The following TMEM117 variants were observed in gnomAD, a reference collection of about 807,000 sequenced individuals.
The protein encoded by TMEM117 is transmembrane protein 117.
Under a neutral mutation model 52.4 loss-of-function variants are expected in TMEM117, and 27 were observed. The observed-to-expected ratio is 0.51, with a 90% CI of 0.38 to 0.71. The LOEUF (loss-of-function observed/expected upper bound fraction) is 0.71. Ranked by LOEUF, TMEM117 falls within the 30% of genes least tolerant of loss-of-function variation. The pLI is 0.00. For synonymous variants in TMEM117, 215 were observed against 206.3 expected (o/e 1.04, Z -0.36); for missense variants, 556 against 630.5 (o/e 0.88, Z 1.26).
chr12:44,152,460 A>G (rs1472489847), intron 4 of TMEM117, among the ~76,000 whole-genome samples: 2 of 114,442 alleles, frequency 1.7e-5, no homozygotes, highest in Non-Finnish European at 3.2e-5. Flanking sequence ...AAAAATTTTT[A>G]TATCTATAAT....
At chr12:43,904,669 G>A (rs1944355977) in intron 2 of TMEM117, among the ~76,000 whole-genome samples, 2 of 152,138 alleles carry the variant, frequency 1.3e-5, no homozygotes, top group Admixed American at 6.5e-5. Flanking sequence ...CCGGGTTGGT[G>A]CCTGGCTTCC....
At chr12:43,898,981 G>T (rs776394243) in intron 2 of TMEM117, among the ~76,000 whole-genome samples, 12 of 152,192 alleles carry the variant, frequency 7.9e-5, no homozygotes, top group Non-Finnish European at 1.2e-4. Context: ...CTGTCCGTCA[G>T]TGGATTTCTG....
At chr12:44,125,913 A>G (rs1948316920) in intron 3 of TMEM117, among the ~76,000 whole-genome samples, 1 of 152,094 alleles carries the variant, frequency 6.6e-6, no homozygotes, top group Non-Finnish European at 1.5e-5. Context: ...TCCTAATTGT[A>G]GCTTTGTTCT....
intron 3 of TMEM117, among the ~76,000 whole-genome samples, chr12:44,102,446 C>A (rs1947878014): frequency 6.6e-6 from 1 of 151,794 alleles, no homozygotes; most frequent in African/African-American, 2.4e-5. Flanking sequence ...GTCATTCTTT[C>A]ATTCTCTGTC....
chr12:44,260,351 C>T (rs1375381505), intron 5 of TMEM117, among the ~76,000 whole-genome samples: 1 of 152,108 alleles, frequency 6.6e-6, no homozygotes, highest in Non-Finnish European at 1.5e-5. Context: ...CATATGCTGC[C>T]TCGGCCATCA....
chr12:44,301,109 T>A (rs1950833896), intron 6 of TMEM117, among the ~76,000 whole-genome samples: 1 of 152,350 alleles, frequency 6.6e-6, no homozygotes, highest in Middle Eastern at 3.4e-3. Context: ...CCCAGTAGAC[T>A]GTTGTCTAAT....
At chr12:44,034,298 C>A (rs1946678327) in intron 3 of TMEM117, among the ~76,000 whole-genome samples, 1 of 152,114 alleles carries the variant, frequency 6.6e-6, no homozygotes, top group African/African-American at 2.4e-5. Context: ...AGAGGCTAAA[C>A]TATGAAAAAA....
At chr12:44,147,064 G>A (rs1437953341) in intron 4 of TMEM117, among the ~76,000 whole-genome samples, 1 of 152,104 alleles carries the variant, frequency 6.6e-6, no homozygotes, top group East Asian at 1.9e-4. Flanking sequence ...CCCATGCAGA[G>A]GACAAGAGAT....
intron 4 of TMEM117, among the ~76,000 whole-genome samples, chr12:44,207,938 T>C (rs34657796): frequency 0.054 from 8,273 of 152,230 alleles, 304 homozygotes; most frequent in Non-Finnish European, 0.085. Context: ...CTTCCTCCAT[T>C]GCTGAAAGGT....
At chr12:43,832,620 A>C (rs1302013831), upstream of TMEM117, among the ~76,000 whole-genome samples, 1 of 152,204 alleles carries the variant, frequency 6.6e-6, no homozygotes, top group East Asian at 1.9e-4. Context: ...AATTTATACC[A>C]ATATTCATTA....
chr12:43,935,705 A>T (rs560687009), intron 2 of TMEM117, among the ~76,000 whole-genome samples: 5 of 152,346 alleles, frequency 3.3e-5, no homozygotes, highest in Non-Finnish European at 7.3e-5. Context: ...GGCAATGGCC[A>T]TTTCTCCTTG....
At chr12:44,256,485 C>G (rs1592644822) in intron 5 of TMEM117, among the ~76,000 whole-genome samples, 1 of 151,920 alleles carries the variant, frequency 6.6e-6, no homozygotes, top group Admixed American at 6.6e-5. Flanking sequence ...ATCAGATTCA[C>G]AAGATGAAAT....
chr12:43,804,937 C>A, the TMEM117 span, among the ~76,000 whole-genome samples: 123 of 152,310 alleles, frequency 8.1e-4, 1 homozygote, highest in African/African-American at 2.8e-3. Flanking sequence ...TTCTCTAATT[C>A]AGTTTCAAGC....
At chr12:44,320,852 G>A (rs769892817) in intron 6 of TMEM117, among the ~76,000 whole-genome samples, 1 of 152,174 alleles carries the variant, frequency 6.6e-6, no homozygotes, top group African/African-American at 2.4e-5. Context: ...TTACTAAAAA[G>A]TTGTAAGAAT....
chr12:43,796,940 T>C, the TMEM117 span: 3 of 1,595,470 alleles, frequency 1.9e-6, no homozygotes, highest in Non-Finnish European at 8.5e-7. Context: ...AAGAAAAATT[T>C]AGCAAAAACT....
intron 3 of TMEM117, among the ~76,000 whole-genome samples, chr12:44,134,614 G>A (rs929785354): frequency 9.2e-5 from 14 of 152,124 alleles, no homozygotes; most frequent in African/African-American, 2.9e-4. Context: ...GTTTATCTTC[G>A]TTCTAATTAG....
At chr12:44,023,669 G>T (rs1255780080) in intron 3 of TMEM117, among the ~76,000 whole-genome samples, 2 of 151,790 alleles carry the variant, frequency 1.3e-5, no homozygotes, top group South Asian at 2.1e-4. Context: ...TTTTGATGGG[G>T]TTGTTTGTTT....
At chr12:44,394,113 G>A (rs1387678294), downstream of TMEM117, among the ~76,000 whole-genome samples, 3 of 152,088 alleles carry the variant, frequency 2.0e-5, no homozygotes, top group African/African-American at 7.2e-5. Context: ...ACCATATTTT[G>A]AAAACCATAT....
chr12:43,905,749 ATATT>A (rs1193181791), intron 2 of TMEM117, among the ~76,000 whole-genome samples: 1 of 152,162 alleles, frequency 6.6e-6, no homozygotes, highest in Non-Finnish European at 1.5e-5. Context: ...GCATATCTTT[ATATT>A]TTTAGAGAAG....
Sources: gnomAD v4.1 joint callset for allele counts (sites outside exome capture counted in the v4.1 genomes callset) on GRCh38, gnomAD v4.1.1 for gene constraint, MANE v1.5 for transcripts, NCBI Gene and HGNC (gene_info 2026-07-23, HGNC 2026-07-21) for gene names.